The following VEGFC variants were observed in gnomAD, a reference collection of about 807,000 sequenced individuals.
VEGFC encodes FLT4 ligand DHM.
A neutral mutation model predicts 46.1 loss-of-function variants in VEGFC; 12 were observed. That is an observed-to-expected ratio of 0.26 (90% CI 0.17 to 0.42). VEGFC has a LOEUF of 0.42. Among genes scored for constraint, VEGFC ranks in the 10% least tolerant of loss-of-function variants. The pLI is 1.00. For missense variants in VEGFC, 488 were observed against 529.4 expected, an observed-to-expected ratio of 0.92 and a Z score of 0.77; for synonymous variants, 232 against 195.5, an observed-to-expected ratio of 1.19 and a Z score of -1.56.
intron 1 of VEGFC, among the ~76,000 whole-genome samples, chr4:176,775,283 T>C (rs1735796371): frequency 6.6e-6 from 1 of 152,186 alleles, no homozygotes; most frequent in South Asian, 2.1e-4. Context: ...GAGAAATATG[T>C]TGTGTTCATA....
intron 1 of VEGFC, among the ~76,000 whole-genome samples, chr4:176,754,338 A>G (rs1174774533): frequency 6.6e-6 from 1 of 151,872 alleles, no homozygotes; most frequent in East Asian, 1.9e-4. Flanking sequence ...TGCTTAAAAC[A>G]TTAGAAATGC....
At chr4:176,692,600 A>C (rs533450135) in intron 4 of VEGFC, among the ~76,000 whole-genome samples, 1 of 136,590 alleles carries the variant, frequency 7.3e-6, no homozygotes, top group Admixed American at 7.0e-5. Context: ...AGCAGCCGGG[A>C]AGCTCGAACT....
chr4:176,769,130 C>T (rs1735681865), intron 1 of VEGFC, among the ~76,000 whole-genome samples: 1 of 152,110 alleles, frequency 6.6e-6, no homozygotes, highest in Non-Finnish European at 1.5e-5. Flanking sequence ...GGACGTGCAA[C>T]AAGGCACCAT....
intron 3 of VEGFC, among the ~76,000 whole-genome samples, chr4:176,719,935 T>G (rs1734756209): frequency 6.6e-6 from 1 of 151,972 alleles, no homozygotes. Context: ...GGTGGACACC[T>G]GTAATCCCAG....
chr4:176,725,632 C>T (rs200706983), intron 3 of VEGFC, among the ~76,000 whole-genome samples: 115 of 152,114 alleles, frequency 7.6e-4, no homozygotes, highest in African/African-American at 2.7e-3. Flanking sequence ...AATCAAATAC[C>T]ATATTAGGAA....
chr4:176,714,298 C>T (rs635618), intron 3 of VEGFC, among the ~76,000 whole-genome samples: 9,270 of 152,140 alleles, frequency 0.061, 954 homozygotes, highest in African/African-American at 0.21. Flanking sequence ...TCTGAGACCT[C>T]TCCCTTCCCT....
At chr4:176,686,114 G>A (rs1379016355) in intron 6 of VEGFC, among the ~76,000 whole-genome samples, 1 of 152,148 alleles carries the variant, frequency 6.6e-6, no homozygotes, top group Non-Finnish European at 1.5e-5. Flanking sequence ...CAAATGGTCT[G>A]AAAATTAAGT....
At chr4:176,771,303 C>G (rs10006655) in intron 1 of VEGFC, among the ~76,000 whole-genome samples, 167 of 152,198 alleles carry the variant, frequency 1.1e-3, no homozygotes, top group African/African-American at 3.9e-3. Flanking sequence ...TGGAAACTGA[C>G]CAACGGAAAA....
chr4:176,705,003 C>T (rs1734504587), intron 4 of VEGFC, among the ~76,000 whole-genome samples: 1 of 152,084 alleles, frequency 6.6e-6, no homozygotes, highest in Non-Finnish European at 1.5e-5. Context: ...CTAGCAGAAA[C>T]ACAAATGCTA....
At chr4:176,775,387 C>G (rs1271500621) in intron 1 of VEGFC, among the ~76,000 whole-genome samples, 2 of 152,274 alleles carry the variant, frequency 1.3e-5, no homozygotes, top group East Asian at 3.9e-4. Context: ...ACTTGAAACT[C>G]TTAATCAGTA....
At chr4:176,742,163 C>T (rs963132625) in intron 1 of VEGFC, among the ~76,000 whole-genome samples, 1 of 151,984 alleles carries the variant, frequency 6.6e-6, no homozygotes, top group South Asian at 2.1e-4. Context: ...GTTTAGCTCC[C>T]GTATAAGTGA....
At chr4:176,751,266 T>C (rs1224268169) in intron 1 of VEGFC, among the ~76,000 whole-genome samples, 9 of 151,890 alleles carry the variant, frequency 5.9e-5, no homozygotes, top group Admixed American at 5.9e-4. Context: ...CTTCCAAGAA[T>C]GAAAGAGAAA....
chr4:176,747,133 T>C (rs557195450), intron 1 of VEGFC, among the ~76,000 whole-genome samples: 65 of 152,228 alleles, frequency 4.3e-4, no homozygotes, highest in South Asian at 1.7e-3. Flanking sequence ...TCCTGTTACA[T>C]CATGCATAAA....
chr4:176,714,905 C>T (rs1179756651), intron 3 of VEGFC, among the ~76,000 whole-genome samples: 2 of 152,160 alleles, frequency 1.3e-5, no homozygotes, highest in Admixed American at 6.5e-5. Context: ...TCCTGGAAAA[C>T]TAAGTGTGGC....
intron 1 of VEGFC, among the ~76,000 whole-genome samples, chr4:176,774,525 T>C (rs977417472): frequency 6.6e-6 from 1 of 152,146 alleles, no homozygotes; most frequent in African/African-American, 2.4e-5. Context: ...ACAACTATCT[T>C]TGCATATGTA....
rs879421107 is a variant in VEGFC, at chr4:176,720,059, C to CA, written c.552+7718dup. On this transcript the variant is annotated intron_variant, in intron 3 of 6. Coordinates refer to ENST00000618562, the MANE Select transcript of VEGFC (RefSeq NM_005429.5). ...GGGTGACAAGAGTGAGACTCCGTTT[C>CA]AAAAAAAAAAAAATTCCTTATACTA... Among the ~76,000 whole-genome samples the CA allele has an allele frequency of 1.0e-3, 140 of 133,514 alleles. 1 individual carries two copies. The East Asian group carries it at 0.013, about 13-fold the overall frequency. 87.6% of individuals were successfully genotyped at this position (133,514 alleles called of 152,430 possible). A position where few individuals can be genotyped will look rare whatever the true frequency, so the allele number is the denominator to read the frequency against.
chr4:176,712,727 G>T (rs906088612), intron 3 of VEGFC, among the ~76,000 whole-genome samples: 1 of 152,096 alleles, frequency 6.6e-6, no homozygotes, highest in African/African-American at 2.4e-5. Flanking sequence ...ATATTTATGG[G>T]ATAGGATTAG....
intron 1 of VEGFC, among the ~76,000 whole-genome samples, chr4:176,758,644 C>T (rs1735475287): frequency 6.6e-6 from 1 of 152,104 alleles, no homozygotes; most frequent in African/African-American, 2.4e-5. Context: ...CTCTGAGTAA[C>T]CTATCTCCAG....
Position 176,729,681 on chromosome 4 carries a change from A to G in VEGFC, c.213T>C (p.Thr71=). ...RSVSSVDELM[T]VLYPEYWKMY... ...TTTTCCAATATTCTGGGTAGAGTAC[A>G]GTCATGAGTTCATCTACACTGGACA... The change falls in exon 2 of 7, where the codon ACT becomes ACC. Residue 71 remains threonine (T), a synonymous_variant. Transcript: ENST00000618562. 1 of 1,613,702 alleles carries G rather than the reference A, an allele frequency of 6.2e-7. No individual in the cohort carries two copies. Among genetic ancestry groups the G allele is most frequent in the Non-Finnish European group, 8.5e-7 (1 of 1,179,828 alleles).
Sources: gnomAD v4.1 joint callset for allele counts (sites outside exome capture counted in the v4.1 genomes callset) on GRCh38, gnomAD v4.1.1 for gene constraint, MANE v1.5 for transcripts, NCBI Gene and HGNC (gene_info 2026-07-23, HGNC 2026-07-21) for gene names.